COBLL1: variants seen among roughly 807,000 people sequenced by gnomAD.
COBLL1 encodes the protein cordon-bleu WH2 repeat protein like 1.
COBLL1 carries 50 observed loss-of-function variants against 94.8 expected under a neutral mutation model. That is an observed-to-expected ratio of 0.53 (90% CI 0.42 to 0.67). COBLL1 has a LOEUF of 0.67. Among genes scored for constraint, COBLL1 ranks in the 30% least tolerant of loss-of-function variants. The probability of loss-of-function intolerance (pLI) is 0.00; values close to 1 mark genes in which losing one functional copy is unlikely to be tolerated. For missense variants in COBLL1, 1,362 were observed against 1,348.7 expected, an observed-to-expected ratio of 1.01 and a Z score of -0.15; for synonymous variants, 448 against 473.8, an observed-to-expected ratio of 0.95 and a Z score of 0.71.
intron 7 of COBLL1, among the ~76,000 whole-genome samples, chr2:164,710,042 T>A (rs72876802): frequency 3.9e-5 from 6 of 152,282 alleles, no homozygotes; most frequent in Non-Finnish European, 7.3e-5. Flanking sequence ...ATATATATAT[T>A]TTTTGTTGTC....
intron 2 of COBLL1, among the ~76,000 whole-genome samples, chr2:164,748,447 T>C (rs1323213414): frequency 6.6e-6 from 1 of 152,174 alleles, no homozygotes; most frequent in Admixed American, 6.5e-5. Context: ...CATCTAAATA[T>C]AGGAAATTCT....
intron 2 of COBLL1, among the ~76,000 whole-genome samples, chr2:164,765,905 A>T (rs933292279): frequency 3.4e-5 from 5 of 147,826 alleles, no homozygotes; most frequent in African/African-American, 1.3e-4. Flanking sequence ...TTTGTGCTTT[A>T]AATAAGCCAA....
chr2:164,764,000 A>T (rs900799142), intron 2 of COBLL1, among the ~76,000 whole-genome samples: 5 of 152,128 alleles, frequency 3.3e-5, no homozygotes, highest in African/African-American at 1.2e-4. Flanking sequence ...GGCTCAAGAG[A>T]TCCTCCTGCC....
upstream of COBLL1, chr2:164,841,885 CCT>C (rs1348599265): frequency 8.3e-7 from 1 of 1,211,076 alleles, no homozygotes; most frequent in African/African-American, 1.5e-5. The surrounding 1 kb of genome is among the most constrained non-coding windows in gnomAD (Gnocchi z 5.5). Context: ...CAGCACCTCC[CCT>C]GTCCCGCGGG....
rs770534788 is a variant in COBLL1 at position 164,773,709 on chromosome 2, C to T, written c.42-29834G>A. 23 of 1,261,908 alleles carry T rather than the reference C, an allele frequency of 1.8e-5. No individual in the cohort carries two copies. In the East Asian group the frequency reaches 6.2e-4, roughly 34 times the overall value. 78.2% of individuals were successfully genotyped at this position (1,261,908 alleles called of 1,614,324 possible). ...TTTTACACAACGTATTTACTTACAA[C>T]TGTTCCAGAAAGTCTCCATAAAACA... On this transcript the variant is annotated intron_variant, in intron 2 of 13. Coordinates refer to ENST00000652658, the MANE Select transcript of COBLL1 (RefSeq NM_001365672.2).
chr2:164,730,458 A>C (rs1180561988), intron 3 of COBLL1, among the ~76,000 whole-genome samples: 2 of 151,972 alleles, frequency 1.3e-5, no homozygotes, highest in Non-Finnish European at 2.9e-5. Context: ...AGATCGCGCC[A>C]CTGCACTCCA....
intron 5 of COBLL1, among the ~76,000 whole-genome samples, 173 bp downstream of exon 5, chr2:164,727,796 T>C (rs1218010864): frequency 1.3e-5 from 2 of 152,086 alleles, no homozygotes; most frequent in Admixed American, 6.5e-5. Context: ...TTTAACTTGA[T>C]TTATATTTAT....
intron 2 of COBLL1, among the ~76,000 whole-genome samples, chr2:164,790,355 A>T (rs1683125720): frequency 6.6e-6 from 1 of 152,100 alleles, no homozygotes; most frequent in African/African-American, 2.4e-5. Context: ...GCCACCCATG[A>T]CCCTAAACGG....
In COBLL1 at chr2:164,681,460, T is replaced by C. The variant is rs1421881337; in HGVS notation, c.*4486A>G. ...TGTCATTTTCACTTCATTCTGTTAC[T>C]CTCAAAACCTGCTCCTATGGGTGGG... On this transcript the variant is annotated 3_prime_UTR_variant, in exon 14 of 14. Transcript: ENST00000652658. 1 of 152,148 alleles carries C rather than the reference T, an allele frequency of 6.6e-6. No homozygotes were observed. The highest frequency in any genetic ancestry group is 2.4e-5 in the African/African-American group (1 of 41,434). 9.4% of individuals were successfully genotyped at this position (152,148 alleles called of 1,614,324 possible).
At chr2:164,806,708 C>A (rs185433965) in intron 2 of COBLL1, among the ~76,000 whole-genome samples, 2 of 151,974 alleles carry the variant, frequency 1.3e-5, no homozygotes, top group East Asian at 1.9e-4. Flanking sequence ...ATTTATTTTT[C>A]TTTTCTTTTG....
rs143626942 is a variant in COBLL1 at position 164,768,027 on chromosome 2, C to A, written c.42-24152G>T. ...ATTACTGAGGGACTGGAAATCTTAT[C>A]TGAACAAGTCTGTTGACTGAAGTTT... On this transcript the variant is annotated intron_variant, in intron 2 of 13. Transcript: ENST00000652658. 8.0e-3 allele frequency among the ~76,000 whole-genome samples: 1,222 copies of A among 152,226 alleles called. 9 individuals carry two copies. Among genetic ancestry groups the A allele is most frequent in the Non-Finnish European group, 0.013 (894 of 68,004 alleles).
intron 3 of COBLL1, among the ~76,000 whole-genome samples, 179 bp from the exon 4 acceptor site, chr2:164,730,294 A>G (rs1685927923): frequency 6.6e-6 from 1 of 151,846 alleles, no homozygotes; most frequent in Non-Finnish European, 1.5e-5. Flanking sequence ...GTTGGAGACC[A>G]GCCTGGGCAA....
Position 164,694,338 on chromosome 2 carries a change from G to C in COBLL1, c.3054C>G (p.Asn1018Lys), listed in dbSNP as rs748105037. 2 of 1,613,820 alleles carry C rather than the reference G, an allele frequency of 1.2e-6. No homozygotes were observed. Among genetic ancestry groups the C allele is most frequent in the Non-Finnish European group, 1.7e-6 (2 of 1,179,876 alleles). The stretch of plus-strand genomic sequence containing the variant: ...CAGAATGAGTCTTCCCTTCCTCTGT[G>C]TTGGCTGGAGGTTGGACCAATGCAC... The part of the protein sequence containing the change: ...SASALVQPPA[N>K]TEEGKTHSVN... Residue 1018 changes from asparagine to lysine, a missense_variant, in exon 12 of 14, where the codon AAC (asparagine) becomes AAG (lysine). Coordinates refer to ENST00000652658, the MANE Select transcript of COBLL1 (RefSeq NM_001365672.2).
intron 3 of COBLL1, among the ~76,000 whole-genome samples, chr2:164,742,565 A>G (rs912722409): frequency 6.6e-6 from 1 of 152,090 alleles, no homozygotes; most frequent in East Asian, 1.9e-4. Context: ...AATTTTCTCA[A>G]TCTCATAAAT....
chr2:164,687,325 TG>T, intron 13 of COBLL1: 1 of 657,504 alleles, frequency 1.5e-6, no homozygotes, highest in Non-Finnish European at 2.8e-6. Flanking sequence ...GGGCCACAAC[TG>T]GGGATGTACT....
At position 164,800,667 on chromosome 2, in the gene COBLL1, G is replaced by A. The variant is rs1012994798; in HGVS notation, c.41+40489C>T. ...GAAACAATCTAACTGGTATTCAATG[G>A]GTGAATGGATAAAGAAACTGCAGTA... On this transcript the variant is annotated intron_variant, in intron 2 of 13. Coordinates refer to ENST00000652658, the MANE Select transcript of COBLL1 (RefSeq NM_001365672.2). The A allele has an allele frequency of 1.5e-5, 10 of 651,578 alleles. No homozygotes were observed. In the African/African-American group the frequency reaches 1.6e-4, roughly 11 times the overall value. The allele number at this position is 651,578 out of a possible 1,614,324, so 40.4% of individuals were successfully genotyped here. A position where few individuals can be genotyped will look rare whatever the true frequency, so the allele number is the denominator to read the frequency against.
At chr2:164,703,562 A>G (rs2105452674) in intron 9 of COBLL1, 1 of 412,268 alleles carries the variant, frequency 2.4e-6, no homozygotes, top group South Asian at 1.9e-5. Flanking sequence ...TGAGAGTAAG[A>G]TTTAAAATCA....
At chr2:164,833,600 G>A (rs951780476) in intron 2 of COBLL1, among the ~76,000 whole-genome samples, 5 of 151,830 alleles carry the variant, frequency 3.3e-5, no homozygotes, top group Admixed American at 3.3e-4. Context: ...ACAGGCGCCC[G>A]CCACCACGCC....
At chr2:164,776,109 G>T (rs377277335) in intron 2 of COBLL1, among the ~76,000 whole-genome samples, 1 of 145,798 alleles carries the variant, frequency 6.9e-6, no homozygotes, top group African/African-American at 2.6e-5. Context: ...TTCAACCCCC[G>T]GTCCTTTCCC....
Sources: gnomAD v4.1 joint callset for allele counts (sites outside exome capture counted in the v4.1 genomes callset) on GRCh38, gnomAD v4.1.1 for gene constraint, Gnocchi (gnomAD v3.1) non-coding constraint, MANE v1.5 for transcripts, NCBI Gene and HGNC (gene_info 2026-07-23, HGNC 2026-07-21) for gene names.